Variants in RBFOX1 observed in about 807,000 individuals in gnomAD.
The protein encoded by RBFOX1 is RNA binding fox-1 homolog 1, also known as RNA binding protein fox-1 homolog 1.
RBFOX1 carries 8 observed loss-of-function variants against 57.7 expected under a neutral mutation model. That is an observed-to-expected ratio of 0.14 (90% confidence interval 0.08 to 0.25). RBFOX1 has a LOEUF of 0.25. RBFOX1 is among the 10% of genes least tolerant of loss of function. The probability of loss-of-function intolerance (pLI) is 1.00; values close to 1 mark genes in which losing one functional copy is unlikely to be tolerated. For missense variants in RBFOX1, 611 were observed against 548.5 expected (o/e 1.11, Z -1.14); for synonymous variants, 326 against 222.4 (o/e 1.47, Z -4.15).
intron 14 of RBFOX1, among the ~76,000 whole-genome samples, chr16:7,684,306 CAT>C (rs752036491): frequency 6.6e-5 from 10 of 151,990 alleles, no homozygotes; most frequent in Non-Finnish European, 1.5e-4. Context: ...ATTTAATTAA[CAT>C]ATGAAACATT....
At chr16:5,731,567 G>T (rs541490868) in intron 3 of RBFOX1, among the ~76,000 whole-genome samples, 1 of 152,128 alleles carries the variant, frequency 6.6e-6, no homozygotes, top group Non-Finnish European at 1.5e-5. Context: ...GGGCTCTCTT[G>T]CTTCTGAGAT....
At chr16:5,770,080 T>A (rs754828025) in intron 3 of RBFOX1, among the ~76,000 whole-genome samples, 2 of 151,838 alleles carry the variant, frequency 1.3e-5, no homozygotes, top group Non-Finnish European at 2.9e-5. Context: ...CTAGCCAGAG[T>A]AGTTTGGGTG....
chr16:6,906,194 G>T (rs549600799), intron 3 of RBFOX1, among the ~76,000 whole-genome samples: 2 of 151,912 alleles, frequency 1.3e-5, no homozygotes, highest in Non-Finnish European at 1.5e-5. Flanking sequence ...AAGCAGATTT[G>T]TAGAAGGTGC....
At chr16:6,281,977 G>A (rs766143557) in intron 1 of RBFOX1, among the ~76,000 whole-genome samples, 2 of 152,128 alleles carry the variant, frequency 1.3e-5, no homozygotes, top group African/African-American at 2.4e-5. Context: ...ACAGAAACGG[G>A]TGAGCGTTTG....
chr16:5,684,003 C>A (rs77495555), intron 3 of RBFOX1, among the ~76,000 whole-genome samples: 1 of 151,688 alleles, frequency 6.6e-6, no homozygotes, highest in African/African-American at 2.4e-5. Flanking sequence ...GTTATCACAG[C>A]GTAGGAGAAT....
intron 1 of RBFOX1, among the ~76,000 whole-genome samples, chr16:5,255,354 C>CCATCCATCCCTCCATCCA (rs1555468931): frequency 0.02 from 1,767 of 86,198 alleles, 13 homozygotes; most frequent in Non-Finnish European, 0.033. Context: ...CCATCCATCC[C>CCATCCATCCCTCCATCCA]TCCATCCATC....
chr16:7,132,537 C>T (rs11647005), intron 4 of RBFOX1, among the ~76,000 whole-genome samples: 33,394 of 150,396 alleles, frequency 0.22, 3,818 homozygotes, highest in African/African-American at 0.25. Context: ...AGTATTAATT[C>T]ATGGTGCCTT....
intron 3 of RBFOX1, among the ~76,000 whole-genome samples, chr16:5,692,014 C>CT (rs1387058133): frequency 2.8e-5 from 1 of 35,512 alleles, no homozygotes; most frequent in African/African-American, 5.0e-5. Context: ...TTTGGTAACT[C>CT]TTTTTTTATT....
intron 3 of RBFOX1, chr16:6,873,954 G>A (rs530901407): frequency 3.3e-5 from 5 of 152,232 alleles, no homozygotes; most frequent in Middle Eastern, 3.4e-3. Context: ...GAAGATTAGC[G>A]TGACCCCTGC....
intron 4 of RBFOX1, among the ~76,000 whole-genome samples, chr16:5,895,853 T>C (rs2058151868): frequency 6.6e-6 from 1 of 152,182 alleles, no homozygotes; most frequent in African/African-American, 2.4e-5. Flanking sequence ...TGTAACTGTT[T>C]TGCTGGACCT....
intron 12 of RBFOX1, among the ~76,000 whole-genome samples, chr16:7,657,765 C>A (rs778594408): frequency 8.5e-5 from 13 of 152,138 alleles, no homozygotes; most frequent in Non-Finnish European, 1.6e-4. Flanking sequence ...GATCATTCCT[C>A]CAGGGGTAGG....
rs1008042110 is a variant in RBFOX1 at position 6,099,432 on chromosome 16, A to G, written c.-127+79440A>G. Among the ~76,000 whole-genome samples, 12 of 152,224 alleles carry G rather than the reference A, an allele frequency of 7.9e-5. No homozygotes were observed. The East Asian group carries it at 2.3e-3, about 29-fold the overall frequency. On this transcript the variant is annotated intron_variant, in intron 1 of 15. Coordinates refer to ENST00000550418, the MANE Select transcript of RBFOX1 (RefSeq NM_018723.4). ...TGTCTTCATGGTTAAAGAAGAATTC[A>G]GTCAATTGATTATGTGATTCTATTT...
At chr16:6,213,462 C>G (rs935273885) in intron 1 of RBFOX1, among the ~76,000 whole-genome samples, 1 of 152,172 alleles carries the variant, frequency 6.6e-6, no homozygotes. Flanking sequence ...GCTGCCTCAG[C>G]TGCATTTGAA....
intron 3 of RBFOX1, among the ~76,000 whole-genome samples, chr16:6,991,159 A>AC (rs1360901150): frequency 7.4e-5 from 11 of 149,594 alleles, no homozygotes; most frequent in African/African-American, 2.8e-4. Flanking sequence ...AAAAAAAAAA[A>AC]AAAGACACGG....
chr16:6,202,270 C>A (rs1048685709), intron 1 of RBFOX1, among the ~76,000 whole-genome samples: 2 of 152,030 alleles, frequency 1.3e-5, no homozygotes, highest in Non-Finnish European at 2.9e-5. Context: ...GTATCGATGC[C>A]CTGAGATAAC....
At chr16:7,571,000 C>A (rs1320337212) in intron 5 of RBFOX1, among the ~76,000 whole-genome samples, 4 of 152,168 alleles carry the variant, frequency 2.6e-5, no homozygotes, top group Non-Finnish European at 4.4e-5. Context: ...CCGAACACTG[C>A]ATGTTCTCAC....
chr16:5,530,933 T>TAA lies in RBFOX1; in HGVS notation c.258+63720_258+63721dup, dbSNP rs59311923. ...CGAAACCCTGTCTCTACTAAAAATA[T>TAA]AAAAAAAAAAAAAAAAAAAAAAAAA... On this transcript the variant is annotated intron_variant, in intron 2 of 2. Transcript: ENST00000585867. Among the ~76,000 whole-genome samples, 460 of 55,012 alleles carry TAA rather than the reference T, an allele frequency of 8.4e-3. 28 individuals carry two copies. The highest frequency in any genetic ancestry group is 0.011 in the Non-Finnish European group (359 of 32,034). The allele number at this position is 55,012 out of a possible 152,430, so 36.1% of individuals were successfully genotyped here. A position where few individuals can be genotyped will look rare whatever the true frequency, so the allele number is the denominator to read the frequency against.
intron 3 of RBFOX1, among the ~76,000 whole-genome samples, chr16:5,799,121 G>T (rs1475685899): frequency 6.6e-6 from 1 of 152,134 alleles, no homozygotes; most frequent in African/African-American, 2.4e-5. Context: ...ATGGTGGCAG[G>T]TGAAAGGCAC....
At chr16:5,474,145 G>A (rs1040269513) in intron 2 of RBFOX1, among the ~76,000 whole-genome samples, 3 of 152,110 alleles carry the variant, frequency 2.0e-5, no homozygotes, top group Non-Finnish European at 2.9e-5. Flanking sequence ...AATTTCTTTG[G>A]CATTACTCCA....
Sources: gnomAD v4.1 joint callset for allele counts (sites outside exome capture counted in the v4.1 genomes callset) on GRCh38, gnomAD v4.1.1 for gene constraint, MANE v1.5 for transcripts, NCBI Gene and HGNC (gene_info 2026-07-23, HGNC 2026-07-21) for gene names.